Variants in CHN1 observed in about 807,000 individuals in gnomAD.
The protein encoded by CHN1 is chimerin 1, also known as N-chimaerin.
A neutral mutation model predicts 59.5 loss-of-function variants in CHN1; 37 were observed. That is an observed-to-expected ratio of 0.62 (90% confidence interval 0.48 to 0.82). The LOEUF (loss-of-function observed/expected upper bound fraction) is 0.82, where lower values mean the gene tolerates loss of function less well. Among genes scored for constraint, CHN1 ranks in the 40% least tolerant of loss-of-function variants. The pLI, the probability that CHN1 is intolerant of heterozygous loss-of-function variation, is 0.00. For synonymous variants in CHN1, 206 were observed against 200.4 expected (o/e 1.03, Z -0.24); for missense variants, 469 against 571.0 (o/e 0.82, Z 1.82).
intron 3 of CHN1, among the ~76,000 whole-genome samples, chr2:174,932,242 A>G (rs2105389167): frequency 6.6e-6 from 1 of 152,310 alleles, no homozygotes; most frequent in Non-Finnish European, 1.5e-5. Context: ...CGTTTATATA[A>G]CATTCCTGTA....
intron 11 of CHN1, among the ~76,000 whole-genome samples, chr2:174,808,183 A>C (rs1345351246): frequency 1.3e-5 from 2 of 152,252 alleles, no homozygotes; most frequent in Non-Finnish European, 2.9e-5. Context: ...GTGAACTTAT[A>C]CAAGCACAGA....
intron 3 of CHN1, among the ~76,000 whole-genome samples, chr2:174,929,951 G>A (rs1689286244): frequency 6.6e-6 from 1 of 152,180 alleles, no homozygotes; most frequent in Non-Finnish European, 1.5e-5. Context: ...TCTTAGTGTT[G>A]GAGTCTCTCT....
chr2:174,847,886 T>C, intron 6 of CHN1: 1 of 407,928 alleles, frequency 2.5e-6, no homozygotes, highest in Non-Finnish European at 4.7e-6. Flanking sequence ...AGAGGAAAAT[T>C]AACATACATA....
At chr2:174,872,599 C>T (rs549290607) in intron 6 of CHN1, among the ~76,000 whole-genome samples, 25 of 152,278 alleles carry the variant, frequency 1.6e-4, no homozygotes, top group Admixed American at 1.5e-3. Flanking sequence ...CAAAGGCATA[C>T]GTTTCCTGAT....
chr2:174,830,216 G>A (rs1685828575), intron 7 of CHN1, among the ~76,000 whole-genome samples: 1 of 151,454 alleles, frequency 6.6e-6, no homozygotes, highest in Non-Finnish European at 1.5e-5. Flanking sequence ...CTGGGCTACA[G>A]AGCAAGACTC....
intron 1 of CHN1, among the ~76,000 whole-genome samples, chr2:174,995,600 A>G (rs1691683143): frequency 1.3e-5 from 2 of 152,196 alleles, no homozygotes. Flanking sequence ...TCACGCTCCT[A>G]TGAGAATCTA....
intron 7 of CHN1, among the ~76,000 whole-genome samples, chr2:174,834,551 ATTTCT>A (rs1282631380): frequency 2.0e-5 from 3 of 152,296 alleles, no homozygotes; most frequent in Admixed American, 1.3e-4. Flanking sequence ...AGGTTAATAG[ATTTCT>A]TTTCCTTCAG....
chr2:174,888,855 T>C (rs1211350906), intron 5 of CHN1, among the ~76,000 whole-genome samples: 1 of 152,138 alleles, frequency 6.6e-6, no homozygotes, highest in Admixed American at 6.5e-5. Flanking sequence ...GAACTGGTAA[T>C]GTAAGGATGG....
At chr2:174,987,559 C>T (rs1237568253) in intron 1 of CHN1, among the ~76,000 whole-genome samples, 1 of 151,948 alleles carries the variant, frequency 6.6e-6, no homozygotes, top group Non-Finnish European at 1.5e-5. Flanking sequence ...AAGCGCCTAC[C>T]ACCACTAATT....
At chr2:174,973,922 A>G (rs75911379) in intron 1 of CHN1, among the ~76,000 whole-genome samples, 2 of 152,376 alleles carry the variant, frequency 1.3e-5, no homozygotes, top group African/African-American at 4.8e-5. Context: ...CTAGAAAGCT[A>G]TATGAAGAAA....
intron 6 of CHN1, among the ~76,000 whole-genome samples, chr2:174,858,512 A>G (rs1686972932): frequency 6.6e-6 from 1 of 152,212 alleles, no homozygotes; most frequent in African/African-American, 2.4e-5. Context: ...CTGTCCTGCC[A>G]TACATTTAAT....
intron 6 of CHN1, among the ~76,000 whole-genome samples, chr2:174,855,569 C>T (rs1392900887): frequency 6.6e-6 from 1 of 152,064 alleles, no homozygotes; most frequent in Non-Finnish European, 1.5e-5. Context: ...TAATATGTAA[C>T]CTATTTTTTC....
intron 3 of CHN1, among the ~76,000 whole-genome samples, chr2:174,926,808 A>AGT (rs1689174684): frequency 6.6e-6 from 1 of 150,660 alleles, no homozygotes; most frequent in Admixed American, 6.6e-5. Context: ...CCCAGGGTGG[A>AGT]GTGCAGTGGC....
chr2:174,816,249 C>T lies in CHN1; in HGVS notation c.713-3767G>A, dbSNP rs115632312. 3.5e-3 allele frequency among the ~76,000 whole-genome samples: 530 copies of T among 152,314 alleles called. 5 individuals carry two copies. Among genetic ancestry groups the T allele is most frequent in the African/African-American group, 0.012 (512 of 41,554 alleles). On this transcript the variant is annotated intron_variant, in intron 8 of 12. Transcript: ENST00000409900. Reference sequence around the variant, plus strand: ...TGGAGAAGAAAGTCAGGATCCCACTCACAAGCTCAGCAAAGGAGGGATACC... The same window carrying T: ...TGGAGAAGAAAGTCAGGATCCCACTTACAAGCTCAGCAAAGGAGGGATACC...
chr2:174,888,803 G>T (rs1460572505), intron 5 of CHN1, among the ~76,000 whole-genome samples: 2 of 152,194 alleles, frequency 1.3e-5, no homozygotes, highest in Non-Finnish European at 2.9e-5. Context: ...TTGAAGGATT[G>T]TTTTTCCTCT....
chr2:175,004,417 A>G (rs1019729322), intron 1 of CHN1, among the ~76,000 whole-genome samples: 3 of 152,154 alleles, frequency 2.0e-5, no homozygotes, highest in Non-Finnish European at 2.9e-5. Flanking sequence ...CTTATTTCCA[A>G]CGGAATATAC....
At chr2:174,802,012 C>T (rs550224927) in intron 11 of CHN1, 200 bp from the exon 12 acceptor site, 6 of 434,870 alleles carry the variant, frequency 1.4e-5, no homozygotes, top group African/African-American at 4.0e-5. Flanking sequence ...TGTGGCAACA[C>T]TATTTACTTG....
At chr2:174,915,311 GTT>G (rs1386442044) in intron 4 of CHN1, 140 bp from the exon 5 acceptor site, 8 of 677,702 alleles carry the variant, frequency 1.2e-5, no homozygotes, top group Non-Finnish European at 1.8e-5. Context: ...AAGCACTTGG[GTT>G]TAACTATGCT....
chr2:174,907,613 G>GTT (rs563081352), intron 5 of CHN1, among the ~76,000 whole-genome samples: 16 of 130,376 alleles, frequency 1.2e-4, no homozygotes, highest in East Asian at 4.5e-4. Context: ...AGCTCTTTTG[G>GTT]TTTTTTTTTT....
Sources: gnomAD v4.1 joint callset for allele counts (sites outside exome capture counted in the v4.1 genomes callset) on GRCh38, gnomAD v4.1.1 for gene constraint, MANE v1.5 for transcripts, NCBI Gene and HGNC (gene_info 2026-07-23, HGNC 2026-07-21) for gene names.